UGCG: variants seen among roughly 807,000 people sequenced by gnomAD.
UGCG encodes the protein ceramide glucosyltransferase.
Under a neutral mutation model 49.5 loss-of-function variants are expected in UGCG, and 10 were observed. The observed-to-expected ratio is 0.20, with a 90% CI of 0.12 to 0.34. The LOEUF (loss-of-function observed/expected upper bound fraction) is 0.34. Among genes scored for constraint, UGCG ranks in the 10% least tolerant of loss-of-function variants. The probability of loss-of-function intolerance (pLI) is 1.00; values close to 1 mark genes in which losing one functional copy is unlikely to be tolerated. For missense variants in UGCG, 312 were observed against 483.7 expected (o/e 0.65, Z 3.33); for synonymous variants, 182 against 158.2 (o/e 1.15, Z -1.13).
At chr9:111,900,478 G>GTATA (rs773342541) in intron 1 of UGCG, among the ~76,000 whole-genome samples, 749 of 18,160 alleles carry the variant, frequency 0.041, 6 homozygotes, top group African/African-American at 0.11. Context: ...ATATGTATAT[G>GTATA]TGTGTGTGTG....
intron 1 of UGCG, among the ~76,000 whole-genome samples, chr9:111,899,142 A>G (rs1332103647): frequency 1.3e-5 from 2 of 152,272 alleles, no homozygotes; most frequent in African/African-American, 2.4e-5. Context: ...CAATTTATCT[A>G]GATTACAAAG....
At chr9:111,926,942 G>A (rs1307499785) in intron 5 of UGCG, among the ~76,000 whole-genome samples, 1 of 134,946 alleles carries the variant, frequency 7.4e-6, no homozygotes, top group African/African-American at 2.8e-5. Flanking sequence ...GCACGATCTC[G>A]GCTCACTGCA....
Position 111,914,663 on chromosome 9 carries a change from G to A in UGCG, c.157G>A (p.Val53Ile), listed in dbSNP as rs1281050845. 2.5e-6 allele frequency: 4 copies of A among 1,614,006 alleles called. No individual in the cohort carries two copies. The highest frequency in any genetic ancestry group is 2.7e-5 in the African/African-American group (2 of 74,924). The change falls in exon 2 of 9, where the codon GTC (valine) becomes ATC (isoleucine). Residue 53 changes from valine (V) to isoleucine (I), a missense_variant. Val to Ile is a conservative substitution (Grantham distance 29, BLOSUM62 3). This residue lies in a region of UGCG where 65 missense variants were observed against 74.7 expected (regional missense o/e 0.87). Transcript: ENST00000374279. ...ACAGCCTTATAGCAAGCTCCCAGGTGTCTCTCTTCTGAAACCACTGAAAGG... is the reference window on the plus strand; with the variant it reads ...ACAGCCTTATAGCAAGCTCCCAGGTATCTCTCTTCTGAAACCACTGAAAGG... Reference protein sequence around the residue: ...DKQPYSKLPGVSLLKPLKGVD... With the variant: ...DKQPYSKLPGISLLKPLKGVD...
chr9:111,919,372 A>T (rs1838174369), intron 2 of UGCG, among the ~76,000 whole-genome samples: 1 of 152,000 alleles, frequency 6.6e-6, no homozygotes, highest in African/African-American at 2.4e-5. Flanking sequence ...AGTCCCAGCT[A>T]CTCGGGAGGC....
chr9:111,924,582 G>A (rs571637724), intron 3 of UGCG, among the ~76,000 whole-genome samples, 195 bp from the exon 4 acceptor site: 17 of 152,170 alleles, frequency 1.1e-4, no homozygotes, highest in Admixed American at 2.0e-4. Flanking sequence ...AAAGATAAAT[G>A]ATACAGTTTT....
chr9:111,921,671 T>C (rs1838223656), intron 2 of UGCG, among the ~76,000 whole-genome samples: 1 of 150,640 alleles, frequency 6.6e-6, no homozygotes, highest in South Asian at 2.1e-4. Flanking sequence ...AAAGTTGGGT[T>C]GTTAATGGAA....
chr9:111,927,580 T>C (rs938279766), intron 5 of UGCG, among the ~76,000 whole-genome samples: 6 of 152,014 alleles, frequency 3.9e-5, no homozygotes, highest in Non-Finnish European at 7.4e-5. Flanking sequence ...GCCTCCTGAG[T>C]AGCTGGGACT....
Position 111,929,527 on chromosome 9 carries a change from T to A in UGCG, c.586T>A (p.Tyr196Asn). The change falls in exon 6 of 9, where the codon TAC becomes AAC. Residue 196 changes from tyrosine (Y) to asparagine (N), a missense_variant. By Grantham distance (143) the Tyr-to-Asn change is moderately radical. Coordinates refer to ENST00000374279, the MANE Select transcript of UGCG (RefSeq NM_003358.3). ...ATATTTTGGAACTTCACATCCAAGA[T>A]ACTATATCTCTGCCAATGTAACTGG... is the stretch of plus-strand genomic sequence containing the variant. Reference protein sequence around the residue: ...QVYFGTSHPRYYISANVTGFK... With the variant: ...QVYFGTSHPRNYISANVTGFK... 6.2e-7 allele frequency: 1 copy of A among 1,613,720 alleles called. No homozygotes were observed. Among genetic ancestry groups the A allele is most frequent in the Non-Finnish European group, 8.5e-7 (1 of 1,179,908 alleles).
At chr9:111,920,760 T>C (rs1212165417) in intron 2 of UGCG, among the ~76,000 whole-genome samples, 3 of 152,332 alleles carry the variant, frequency 2.0e-5, no homozygotes, top group South Asian at 4.1e-4. Flanking sequence ...TTATTTCTAC[T>C]TTTTACTTGT....
At chr9:111,910,042 T>C (rs1589520288) in intron 1 of UGCG, among the ~76,000 whole-genome samples, 1 of 152,208 alleles carries the variant, frequency 6.6e-6, no homozygotes, top group South Asian at 2.1e-4. Context: ...TTTGTGGCTG[T>C]TGAGAGAGTC....
rs1319463320 is a variant in UGCG at position 111,924,806 on chromosome 9, A to C, written c.373A>C (p.Ile125Leu). Residue 125 changes from isoleucine to leucine, a missense_variant, in exon 4 of 9, where the codon ATT becomes CTT. This residue lies in a region of UGCG where 64 missense variants were observed against 67.6 expected (regional missense o/e 0.95). Transcript: ENST00000374279. ...GGKKVGINPKINNLMPGYEVA... is the reference protein window; with the variant it reads ...GGKKVGINPKLNNLMPGYEVA... ...CAAAAAAGTTGGCATTAATCCTAAAATTAATAATTTAATGCCAGGATATGA... is the reference window on the plus strand; with the variant it reads ...CAAAAAAGTTGGCATTAATCCTAAACTTAATAATTTAATGCCAGGATATGA... 1 of 1,540,324 alleles carries C rather than the reference A, an allele frequency of 6.5e-7. No individual in the cohort carries two copies. The highest frequency in any genetic ancestry group is 8.7e-7 in the Non-Finnish European group (1 of 1,150,552).
intron 1 of UGCG, among the ~76,000 whole-genome samples, chr9:111,906,903 G>C (rs1382524408): frequency 1.3e-5 from 2 of 152,060 alleles, no homozygotes; most frequent in African/African-American, 2.4e-5. Context: ...GTTATTTCTT[G>C]CCTAGAGGAT....
At chr9:111,916,995 T>A (rs564465184) in intron 2 of UGCG, among the ~76,000 whole-genome samples, 1 of 151,820 alleles carries the variant, frequency 6.6e-6, no homozygotes, top group Non-Finnish European at 1.5e-5. Context: ...AAATAAAAAT[T>A]AAAAAATTGA....
rs1314948799 is a variant in UGCG, at chr9:111,934,893, C to T, written c.*1896C>T. 1 of 152,172 alleles carries T rather than the reference C, an allele frequency of 6.6e-6. No individual in the cohort carries two copies. The highest frequency in any genetic ancestry group is 1.5e-5 in the Non-Finnish European group (1 of 68,050). The allele number at this position is 152,172 out of a possible 1,614,324, so 9.4% of individuals were successfully genotyped here. ...ACCCACTACATGTTTTGTTTTTAAT[C>T]ACTATTACCTGAGTTGAACTTTGCT... On this transcript the variant is annotated 3_prime_UTR_variant, in exon 9 of 9. Transcript: ENST00000374279.
At chr9:111,915,843 A>G in intron 2 of UGCG, 2 of 978,420 alleles carry the variant, frequency 2.0e-6, no homozygotes, top group Admixed American at 6.1e-5. Flanking sequence ...TTAAGTAGGT[A>G]GACATGAGTA....
chr9:111,926,254 C>T (rs773164859), intron 4 of UGCG, 130 bp from the exon 5 acceptor site: 3 of 546,956 alleles, frequency 5.5e-6, no homozygotes, highest in South Asian at 3.0e-5. Flanking sequence ...TTATTAGATC[C>T]ATATGTTTAA....
At chr9:111,921,711 A>G (rs761628530) in intron 2 of UGCG, among the ~76,000 whole-genome samples, 1 of 151,214 alleles carries the variant, frequency 6.6e-6, no homozygotes, top group Non-Finnish European at 1.5e-5. Context: ...GATTTTATAA[A>G]TCTGGCTGCA....
Position 111,899,066 on chromosome 9 carries a change from A to G in UGCG, c.98+1753A>G, listed in dbSNP as rs188607121. On this transcript the variant is annotated intron_variant, in intron 1 of 8. Coordinates refer to ENST00000374279, the MANE Select transcript of UGCG (RefSeq NM_003358.3). ...TCTCTACATCATTTGTAATAGATGC[A>G]TGATATTTTAGTTTACCAGGTACCA... 3.3e-3 allele frequency among the ~76,000 whole-genome samples: 498 copies of G among 152,334 alleles called. 2 individuals carry two copies. In the Middle Eastern group the frequency reaches 0.037, roughly 11 times the overall value.
intron 2 of UGCG, among the ~76,000 whole-genome samples, chr9:111,918,231 A>G (rs914562676): frequency 6.6e-6 from 1 of 151,918 alleles, no homozygotes; most frequent in Admixed American, 6.6e-5. Flanking sequence ...TAGTAGAGAG[A>G]GGATTTCATC....
Sources: allele counts gnomAD v4.1 joint callset (sites outside exome capture counted in the v4.1 genomes callset), GRCh38; gene constraint gnomAD v4.1.1; regional missense constraint gnomAD v4.1.1; transcripts MANE v1.5; gene names NCBI Gene and HGNC (gene_info 2026-07-23, HGNC 2026-07-21).